Variants in MRTFB observed in about 807,000 individuals in gnomAD.
The protein encoded by MRTFB is myocardin-related transcription factor B.
MRTFB carries 29 observed loss-of-function variants against 104.2 expected under a neutral mutation model. That is an observed-to-expected ratio of 0.28 (90% CI 0.21 to 0.38). MRTFB has a LOEUF of 0.38. Ranked by LOEUF, MRTFB falls within the 10% of genes least tolerant of loss-of-function variation. The pLI is 1.00. For synonymous variants in MRTFB, 535 were observed against 519.5 expected, an observed-to-expected ratio of 1.03 and a Z score of -0.41; for missense variants, 1,270 against 1,341.6, an observed-to-expected ratio of 0.95 and a Z score of 0.83.
intron 11 of MRTFB, among the ~76,000 whole-genome samples, chr16:14,245,962 AAC>A (rs2042995332): frequency 6.6e-6 from 1 of 152,156 alleles, no homozygotes; most frequent in Admixed American, 6.5e-5. Flanking sequence ...AGGAAAATGT[AAC>A]AGTTAAGAAT....
chr16:14,126,328 C>CTT (rs1050358358), intron 2 of MRTFB, among the ~76,000 whole-genome samples: 7 of 152,050 alleles, frequency 4.6e-5, no homozygotes, highest in African/African-American at 1.7e-4. Flanking sequence ...ATTTCAACCT[C>CTT]TGTTACTTTA....
the MRTFB span, among the ~76,000 whole-genome samples, chr16:14,028,596 G>C: frequency 3.7e-3 from 565 of 152,322 alleles, 4 homozygotes; most frequent in African/African-American, 0.013. Flanking sequence ...ACAAGCCTGG[G>C]CTAAGAACTG....
intron 16 of MRTFB, among the ~76,000 whole-genome samples, chr16:14,260,243 G>T (rs966845438): frequency 1.3e-5 from 2 of 151,706 alleles, no homozygotes; most frequent in Non-Finnish European, 2.9e-5. Context: ...AGGATCAAAG[G>T]AACCATATGT....
chr16:14,108,683 A>G (rs1296656035), intron 2 of MRTFB, among the ~76,000 whole-genome samples: 2 of 152,222 alleles, frequency 1.3e-5, no homozygotes, highest in African/African-American at 4.8e-5. Context: ...TTTATTTTTA[A>G]AGAGAATACT....
At chr16:14,176,133 C>T (rs1032830622) in intron 3 of MRTFB, among the ~76,000 whole-genome samples, 1 of 152,110 alleles carries the variant, frequency 6.6e-6, no homozygotes, top group Non-Finnish European at 1.5e-5. Context: ...CTTTTAGATA[C>T]AACCAAAAAT....
chr16:14,041,165 G>T, the MRTFB span, among the ~76,000 whole-genome samples: 1 of 151,662 alleles, frequency 6.6e-6, no homozygotes, highest in African/African-American at 2.4e-5. Flanking sequence ...GCGGGGAGAG[G>T]AGGGGAGGGG....
At chr16:14,200,071 C>T (rs1567448016) in intron 3 of MRTFB, 5 of 525,748 alleles carry the variant, frequency 9.5e-6, no homozygotes, top group Non-Finnish European at 1.7e-5. Flanking sequence ...CAGATTGGCA[C>T]AACCATTTGG....
intron 3 of MRTFB, among the ~76,000 whole-genome samples, chr16:14,192,757 G>A (rs2040243561): frequency 6.6e-6 from 1 of 152,162 alleles, no homozygotes; most frequent in South Asian, 2.1e-4. Flanking sequence ...CTGCAGACCT[G>A]TGCTGCCATC....
chr16:14,085,236 A>G (rs2141907451), intron 2 of MRTFB, among the ~76,000 whole-genome samples: 1 of 152,246 alleles, frequency 6.6e-6, no homozygotes, highest in Admixed American at 6.5e-5. Flanking sequence ...TGAGTGGATC[A>G]CCAGAAGTCG....
the MRTFB span, among the ~76,000 whole-genome samples, chr16:14,040,693 C>T: frequency 4.6e-5 from 7 of 152,128 alleles, no homozygotes; most frequent in African/African-American, 1.7e-4. Flanking sequence ...GAACCTCTGA[C>T]CTCAAGTGAT....
the MRTFB span, among the ~76,000 whole-genome samples, chr16:14,012,769 G>C: frequency 6.6e-6 from 1 of 152,092 alleles, no homozygotes; most frequent in Non-Finnish European, 1.5e-5. Context: ...AGGGCTGCCT[G>C]AGTCCAAAGC....
chr16:14,261,348 C>A lies in MRTFB; in HGVS notation c.3204C>A (p.Asn1068Lys). 8 of 1,614,184 alleles carry A rather than the reference C, an allele frequency of 5.0e-6. No homozygotes were observed. The highest frequency in any genetic ancestry group is 5.9e-6 in the Non-Finnish European group (7 of 1,180,030). The change falls in exon 17 of 17, where the codon AAC becomes AAA. Residue 1068 changes from asparagine to lysine, a missense_variant. Around this residue, in one of 3 missense-constraint regions of MRTFB, gnomAD observed 1,144 missense variants for 1,131.5 expected, o/e 1.01. Coordinates refer to ENST00000571589, the MANE Select transcript of MRTFB (RefSeq NM_001308142.2). Reference protein sequence around the residue: ...NMEWLDITMPNSSSGLTPLST... With the variant: ...NMEWLDITMPKSSSGLTPLST... ...AGTGGTTGGACATTACCATGCCCAA[C>A]TCCTCTTCAGGACTCACTCCTCTCA...
chr16:14,104,246 A>G (rs2035855120), intron 2 of MRTFB, among the ~76,000 whole-genome samples: 1 of 152,232 alleles, frequency 6.6e-6, no homozygotes, highest in African/African-American at 2.4e-5. Context: ...GGACCCCTAA[A>G]GGTGTGACTG....
the MRTFB span, among the ~76,000 whole-genome samples, chr16:14,033,426 G>A: frequency 5.9e-5 from 9 of 151,902 alleles, no homozygotes; most frequent in East Asian, 3.9e-4. Context: ...ACATGCCTGC[G>A]GTCTCAGCTG....
rs143372798 is a variant in MRTFB, at chr16:14,184,192, T to C, written c.155-26051T>C. 5.4e-3 allele frequency among the ~76,000 whole-genome samples: 824 copies of C among 151,638 alleles called. 43 individuals are homozygous for C. The East Asian group carries it at 0.12, about 22-fold the overall frequency. ...GCTTTGGAATCCTGGCCACCACTTA[T>C]GAGATATGCCACCTCTGACAAAGTA... On this transcript the variant is annotated intron_variant, in intron 3 of 16. Transcript: ENST00000571589.
At chr16:14,043,786 C>G in the MRTFB span, among the ~76,000 whole-genome samples, 1 of 152,202 alleles carries the variant, frequency 6.6e-6, no homozygotes, top group Non-Finnish European at 1.5e-5. Flanking sequence ...ATAAATGGCT[C>G]CTATGATCTC....
chr16:14,167,565 T>C (rs2142968790), intron 3 of MRTFB, among the ~76,000 whole-genome samples: 1 of 152,356 alleles, frequency 6.6e-6, no homozygotes, highest in South Asian at 2.1e-4. Context: ...GTTTTCATTA[T>C]GAAATCTTTG....
the MRTFB span, among the ~76,000 whole-genome samples, chr16:14,007,310 A>G: frequency 6.6e-6 from 1 of 152,238 alleles, no homozygotes; most frequent in Non-Finnish European, 1.5e-5. Flanking sequence ...GGAATTCCAC[A>G]GATGGAATGC....
At chr16:14,227,296 CA>C (rs1201548625) in intron 8 of MRTFB, among the ~76,000 whole-genome samples, 1 of 151,354 alleles carries the variant, frequency 6.6e-6, no homozygotes, top group African/African-American at 2.4e-5. Flanking sequence ...AAAAACAAAA[CA>C]AAAAGAAAGA....
Sources: gnomAD v4.1 joint callset for allele counts (sites outside exome capture counted in the v4.1 genomes callset) on GRCh38, gnomAD v4.1.1 for gene constraint, gnomAD v4.1.1 regional missense constraint, MANE v1.5 for transcripts, NCBI Gene and HGNC (gene_info 2026-07-23, HGNC 2026-07-21) for gene names.